The following CPZ variants were observed in gnomAD, a reference collection of about 807,000 sequenced individuals.
CPZ encodes the protein carboxypeptidase Z.
A neutral mutation model predicts 61.8 loss-of-function variants in CPZ; 103 were observed. The ratio of observed to expected loss-of-function variants is 1.67; its 90% CI spans 1.42 to 1.96. CPZ has a LOEUF of 1.96. CPZ is among the 30% of genes most tolerant of loss of function. The probability of loss-of-function intolerance (pLI) is 0.00; values close to 1 mark genes in which losing one functional copy is unlikely to be tolerated. For missense variants in CPZ, 1,461 were observed against 914.9 expected, an observed-to-expected ratio of 1.60 and a Z score of -7.70; for synonymous variants, 551 against 373.7, an observed-to-expected ratio of 1.47 and a Z score of -5.47.
At chr4:8,599,804 T>C (rs919774157) in intron 2 of CPZ, 7 of 390,598 alleles carry the variant, frequency 1.8e-5, no homozygotes, top group South Asian at 1.3e-4. Context: ...ATGCATTTCA[T>C]GGTCACTGGC....
At chr4:8,599,658 C>CA in intron 2 of CPZ, 173 bp downstream of exon 2, 2 of 1,433,786 alleles carry the variant, frequency 1.4e-6, no homozygotes, top group Admixed American at 5.3e-5. Flanking sequence ...TTAGACATAA[C>CA]AAAAAAAGAC....
At chr4:8,603,475 G>A (rs1447239158) in intron 3 of CPZ, 1 of 152,920 alleles carries the variant, frequency 6.5e-6, no homozygotes, top group Non-Finnish European at 1.4e-5. Flanking sequence ...TTGTACCGAT[G>A]AGGTTGTAAC....
At position 8,597,672 on chromosome 4, in the gene CPZ, C is replaced by G. The variant is rs530201206; in HGVS notation, c.89-1781C>G. 3 of 152,340 alleles carry G rather than the reference C, an allele frequency of 2.0e-5. No homozygotes were observed. In the South Asian group the frequency reaches 6.2e-4, roughly 32 times the overall value. 9.4% of individuals were successfully genotyped at this position (152,340 alleles called of 1,614,324 possible). A position where few individuals can be genotyped will look rare whatever the true frequency, so the allele number is the denominator to read the frequency against. On this transcript the variant is annotated intron_variant, in intron 1 of 10. Coordinates refer to ENST00000360986, the MANE Select transcript of CPZ (RefSeq NM_001014447.3). ...TGCTTTAGGAAAACAGTGCCCTTGCCTGCTGCTCTCCCACACTCAGCACAG... is the reference window on the plus strand; with the variant it reads ...TGCTTTAGGAAAACAGTGCCCTTGCGTGCTGCTCTCCCACACTCAGCACAG...
chr4:8,608,455 C>A lies in CPZ; in HGVS notation c.1227+1030C>A, dbSNP rs185026639. Among the ~76,000 whole-genome samples, 595 of 152,328 alleles carry A rather than the reference C, an allele frequency of 3.9e-3. 5 individuals carry two copies. Among genetic ancestry groups the A allele is most frequent in the African/African-American group, 0.011 (437 of 41,576 alleles). ...TGAGGCCACCCGGCCGAGCACATAGCTGGGCCCCTGGTTGGCACTCAGGTA... is the reference window on the plus strand; with the variant it reads ...TGAGGCCACCCGGCCGAGCACATAGATGGGCCCCTGGTTGGCACTCAGGTA... On this transcript the variant is annotated intron_variant, in intron 7 of 10. Transcript: ENST00000360986.
chr4:8,600,544 G>A (rs1714497856), intron 2 of CPZ, among the ~76,000 whole-genome samples: 1 of 152,200 alleles, frequency 6.6e-6, no homozygotes, highest in African/African-American at 2.4e-5. Flanking sequence ...ACAAACAGCT[G>A]TGATGAGGAA....
rs1470742159 is a variant in CPZ, at chr4:8,614,426, G to T, written c.1431G>T (p.Lys477Asn). 1 of 1,614,064 alleles carries T rather than the reference G, an allele frequency of 6.2e-7. No individual in the cohort carries two copies. Among genetic ancestry groups the T allele is most frequent in the Non-Finnish European group, 8.5e-7 (1 of 1,179,984 alleles). ...FEITVELGCVKFPPEEALYIL... is the reference protein window; with the variant it reads ...FEITVELGCVNFPPEEALYIL... ...TCACGGTAGAGCTGGGCTGTGTGAA[G>T]TTCCCCCCCGAGGAGGCCCTGTACA... Residue 477 changes from lysine (K) to asparagine (N), a missense_variant, in exon 9 of 11, where the codon AAG becomes AAT. Transcript: ENST00000360986.
chr4:8,605,051 G>A (rs1468145795), intron 4 of CPZ, among the ~76,000 whole-genome samples: 2 of 152,234 alleles, frequency 1.3e-5, no homozygotes, highest in Non-Finnish European at 2.9e-5. Flanking sequence ...GAATTTGAGG[G>A]CAAGAGGTGC....
chr4:8,611,894 CCTGCAGACACCATTCCCCTCTCCTAT>C (rs1223349504), intron 7 of CPZ, 107 bp from the exon 8 acceptor site: 2 of 1,279,146 alleles, frequency 1.6e-6, no homozygotes, highest in Non-Finnish European at 2.2e-6. Context: ...CCCTCTCCTA[CCTGCAGACACCATTCCCCTCTCCTAT>C]CTGCAATGCA....
intron 4 of CPZ, among the ~76,000 whole-genome samples, 174 bp downstream of exon 4, chr4:8,604,362 A>G (rs1323538192): frequency 1.3e-5 from 2 of 152,390 alleles, no homozygotes; most frequent in African/African-American, 4.8e-5. Flanking sequence ...CACTATATGT[A>G]TAAAGAAGAA....
chr4:8,619,082 A>G (rs1216812474), intron 10 of CPZ, among the ~76,000 whole-genome samples, 180 bp from the exon 11 acceptor site: 2 of 152,144 alleles, frequency 1.3e-5, no homozygotes, highest in Non-Finnish European at 2.9e-5. Flanking sequence ...GTTTTGAGGT[A>G]TAAATAAGAG....
At chr4:8,607,772 A>G (rs747686237) in intron 7 of CPZ, among the ~76,000 whole-genome samples, 12 of 151,850 alleles carry the variant, frequency 7.9e-5, no homozygotes, top group Non-Finnish European at 1.5e-4. Flanking sequence ...CCCACCGCAG[A>G]GGGGTGCGTT....
intron 9 of CPZ, among the ~76,000 whole-genome samples, chr4:8,616,960 G>T (rs1453227506): frequency 6.6e-6 from 1 of 152,176 alleles, no homozygotes; most frequent in Non-Finnish European, 1.5e-5. Flanking sequence ...GCTCATCATG[G>T]ATTCCATGTG....
chr4:8,601,871 G>T, intron 3 of CPZ: 1 of 191,628 alleles, frequency 5.2e-6, no homozygotes, highest in Non-Finnish European at 1.1e-5. Context: ...TGGGGGTCCA[G>T]TCCTCAGCCA....
At chr4:8,604,822 C>G (rs1714814037) in intron 4 of CPZ, among the ~76,000 whole-genome samples, 1 of 152,244 alleles carries the variant, frequency 6.6e-6, no homozygotes, top group South Asian at 2.1e-4. Context: ...AATGCACCTG[C>G]TCTTTGTTTA....
In CPZ at chr4:8,619,389, G is replaced by A. The variant is rs752283110; in HGVS notation, c.1731G>A (p.Val577=). ...IPARMKRAGR[V]DFILQPLGMG... The stretch of plus-strand genomic sequence containing the variant: ...CCCGGATGAAGAGGGCTGGCCGTGT[G>A]GACTTCATTCTGCAACCTCTGGGGA... Residue 577 remains valine, a synonymous_variant, in exon 11 of 11, where the codon GTG becomes GTA. Transcript: ENST00000360986. 1 of 1,614,202 alleles carries A rather than the reference G, an allele frequency of 6.2e-7. No homozygotes were observed. Among genetic ancestry groups the A allele is most frequent in the East Asian group, 2.2e-5 (1 of 44,880 alleles).
intron 1 of CPZ, chr4:8,597,419 G>C (rs1374013030): frequency 2.0e-5 from 3 of 152,206 alleles, no homozygotes; most frequent in Non-Finnish European, 4.4e-5. Context: ...CTGCAGATTG[G>C]TGGAGTCTGG....
chr4:8,609,209 TA>T (rs1715388593), intron 7 of CPZ, among the ~76,000 whole-genome samples: 2 of 43,412 alleles, frequency 4.6e-5, no homozygotes, highest in Non-Finnish European at 1.1e-4. Flanking sequence ...CTCACTCACT[TA>T]CTCATTCACT....
rs76756393 is a variant in CPZ, at chr4:8,592,845, G to C, written c.12G>C (p.Pro4=). ...TCCGCCGCCCCACCATGCCGCCCCC[G>C]CTGCCGCTGCTGCTCCTTACAGTCC... MPP[P]LPLLLLTVLV... is the part of the protein sequence containing the mutation. The change falls in exon 1 of 11, where the codon CCG becomes CCC. Residue 4 remains proline (P), a synonymous_variant. Coordinates refer to ENST00000360986, the MANE Select transcript of CPZ (RefSeq NM_001014447.3). 234,467 of 1,460,180 alleles carry C rather than the reference G, an allele frequency of 0.16. 20,296 individuals carry two copies. Among genetic ancestry groups the C allele is most frequent in the Non-Finnish European group, 0.18 (195,172 of 1,105,664 alleles). The allele number at this position is 1,460,180 out of a possible 1,614,324, so 90.5% of individuals were successfully genotyped here.
chr4:8,615,587 G>A (rs1463881730), intron 9 of CPZ, among the ~76,000 whole-genome samples: 1 of 152,204 alleles, frequency 6.6e-6, no homozygotes, highest in African/African-American at 2.4e-5. Context: ...CACCAGGCCG[G>A]GCGGCAGACG....
Sources: allele counts gnomAD v4.1 joint callset (sites outside exome capture counted in the v4.1 genomes callset), GRCh38; gene constraint gnomAD v4.1.1; transcripts MANE v1.5; gene names NCBI Gene and HGNC (gene_info 2026-07-23, HGNC 2026-07-21).